The following C2orf76 variants were observed in gnomAD, a reference collection of about 807,000 sequenced individuals.
C2orf76 encodes the protein UPF0538 protein C2orf76.
In C2orf76, 23 loss-of-function variants were observed where a neutral mutation model predicts 16.9. The ratio of observed to expected loss-of-function variants is 1.36; its 90% CI spans 0.98 to 1.93. The LOEUF (loss-of-function observed/expected upper bound fraction) is 1.93. Ranked by LOEUF, C2orf76 falls within the 30% of genes most tolerant of loss-of-function variation. C2orf76 has a pLI of 0.00. For missense variants in C2orf76, 152 were observed against 152.6 expected (o/e 1.00, Z 0.02); for synonymous variants, 48 against 52.3 (o/e 0.92, Z 0.35).
At chr2:119,282,849 T>A in the C2orf76 span, among the ~76,000 whole-genome samples, 3 of 152,106 alleles carry the variant, frequency 2.0e-5, no homozygotes, top group Non-Finnish European at 2.9e-5. Flanking sequence ...AAATGGGCAA[T>A]CGGGTGGAAG....
At position 119,310,823 on chromosome 2, in the gene C2orf76, G is replaced by A. The variant is rs143810438; in HGVS notation, c.304+799C>T. Among the ~76,000 whole-genome samples, 1,101 of 152,238 alleles carry A rather than the reference G, an allele frequency of 7.2e-3. 5 individuals carry two copies. Among genetic ancestry groups the A allele is most frequent in the African/African-American group, 0.013 (557 of 41,546 alleles). On this transcript the variant is annotated intron_variant, in intron 5 of 5. Coordinates refer to ENST00000334816, the MANE Select transcript of C2orf76 (RefSeq NM_001322331.2). ...CGGGAGATGGAGGTTGCAGTGAGCC[G>A]AGACTGCACCACTGCACTACAGCCT... is the stretch of plus-strand genomic sequence containing the variant.
the C2orf76 span, among the ~76,000 whole-genome samples, chr2:119,296,346 G>A: frequency 6.6e-6 from 1 of 152,168 alleles, no homozygotes; most frequent in East Asian, 1.9e-4. Context: ...AAAGCAAAAT[G>A]AGGTGAAACT....
intron 4 of C2orf76, among the ~76,000 whole-genome samples, chr2:119,312,730 A>T (rs1311246928): frequency 6.6e-6 from 1 of 152,144 alleles, no homozygotes. Flanking sequence ...ACAAGTGAAA[A>T]TTTAAACTTG....
chr2:119,306,970 G>A (rs1432510961), intron 5 of C2orf76, among the ~76,000 whole-genome samples: 2 of 151,852 alleles, frequency 1.3e-5, no homozygotes, highest in African/African-American at 2.4e-5. Flanking sequence ...AAGTCCTAAC[G>A]ATAAATTTGT....
At chr2:119,327,575 G>T (rs1433160836) in intron 2 of C2orf76, among the ~76,000 whole-genome samples, 4 of 151,878 alleles carry the variant, frequency 2.6e-5, no homozygotes, top group Admixed American at 2.0e-4. Context: ...ATTAGTTCAC[G>T]TGAGATCCGG....
At chr2:119,340,959 A>T (rs55732993) in intron 1 of C2orf76, among the ~76,000 whole-genome samples, 16,044 of 151,928 alleles carry the variant, frequency 0.11, 961 homozygotes, top group South Asian at 0.16. Context: ...AAATCTTAAC[A>T]TTCTGATGCA....
At chr2:119,307,206 G>A (rs1469307595) in intron 5 of C2orf76, among the ~76,000 whole-genome samples, 1 of 152,082 alleles carries the variant, frequency 6.6e-6, no homozygotes, top group Non-Finnish European at 1.5e-5. Flanking sequence ...TTGGGAGGCT[G>A]AGGTGGGCAG....
chr2:119,367,003 G>C, upstream of C2orf76: 1 of 1,613,232 alleles, frequency 6.2e-7, no homozygotes, highest in Non-Finnish European at 8.5e-7. Flanking sequence ...TCGCTTCCTG[G>C]TCCTCGCCTC....
intron 3 of C2orf76, among the ~76,000 whole-genome samples, chr2:119,320,938 C>T (rs1239105792): frequency 2.6e-5 from 4 of 152,238 alleles, no homozygotes; most frequent in Admixed American, 6.5e-5. Flanking sequence ...TCGTTTTAAA[C>T]ACAGTTTTGG....
intron 5 of C2orf76, among the ~76,000 whole-genome samples, chr2:119,310,341 C>A (rs1339718327): frequency 3.3e-5 from 5 of 152,132 alleles, no homozygotes; most frequent in African/African-American, 7.2e-5. Flanking sequence ...AAAATAACAA[C>A]CTTACATATT....
At chr2:119,319,092 T>C (rs1344152473) in intron 3 of C2orf76, among the ~76,000 whole-genome samples, 1 of 152,070 alleles carries the variant, frequency 6.6e-6, no homozygotes, top group African/African-American at 2.4e-5. Context: ...ATTTTTAAAA[T>C]AACAGGAGCT....
chr2:119,333,024 G>A (rs564702590), intron 2 of C2orf76, among the ~76,000 whole-genome samples: 6 of 152,258 alleles, frequency 3.9e-5, no homozygotes, highest in Middle Eastern at 3.4e-3. Flanking sequence ...GAGCCACCAC[G>A]CCAGGCCAAG....
chr2:119,352,393 T>A (rs1014448773), intron 1 of C2orf76, among the ~76,000 whole-genome samples: 2 of 152,194 alleles, frequency 1.3e-5, no homozygotes, highest in Non-Finnish European at 2.9e-5. Context: ...TAAAGCTGCC[T>A]CCACAGGTAA....
At chr2:119,296,550 C>T in the C2orf76 span, among the ~76,000 whole-genome samples, 4 of 152,186 alleles carry the variant, frequency 2.6e-5, no homozygotes, top group Non-Finnish European at 5.9e-5. Context: ...AATGGGGAAG[C>T]CCCTGCTCTT....
At chr2:119,287,580 G>A in the C2orf76 span, among the ~76,000 whole-genome samples, 1 of 151,670 alleles carries the variant, frequency 6.6e-6, no homozygotes, top group South Asian at 2.1e-4. Context: ...TGTTTTTGTT[G>A]AGAACAACAA....
intron 5 of C2orf76, among the ~76,000 whole-genome samples, chr2:119,310,852 C>T (rs142928469): frequency 0.01 from 1,571 of 152,056 alleles, 30 homozygotes; most frequent in African/African-American, 0.036. Flanking sequence ...ACAGCCTGGG[C>T]GACAGAGTGA....
chr2:119,334,372 T>C (rs1221605351), intron 2 of C2orf76, among the ~76,000 whole-genome samples: 1 of 100,350 alleles, frequency 1.0e-5, no homozygotes. Flanking sequence ...CCTCAATGTA[T>C]GCAAAGCAAA....
At chr2:119,360,860 G>T (rs1680722827) in intron 1 of C2orf76, among the ~76,000 whole-genome samples, 1 of 152,122 alleles carries the variant, frequency 6.6e-6, no homozygotes, top group Non-Finnish European at 1.5e-5. Context: ...GAATTATTCT[G>T]AGTGAAGAAA....
At chr2:119,341,971 T>C (rs532958108) in intron 1 of C2orf76, among the ~76,000 whole-genome samples, 106 of 152,324 alleles carry the variant, frequency 7.0e-4, no homozygotes, top group Non-Finnish European at 1.4e-3. Flanking sequence ...TGAAGATACA[T>C]ATACCTTTTG....
Sources: gnomAD v4.1 joint callset for allele counts (sites outside exome capture counted in the v4.1 genomes callset) on GRCh38, gnomAD v4.1.1 for gene constraint, MANE v1.5 for transcripts, NCBI Gene and HGNC (gene_info 2026-07-23, HGNC 2026-07-21) for gene names.